Variants in DLG2 observed in about 807,000 individuals in gnomAD.
DLG2 encodes the protein disks large homolog 2.
A neutral mutation model predicts 132.5 loss-of-function variants in DLG2; 45 were observed. That is an observed-to-expected ratio of 0.34 (90% confidence interval 0.27 to 0.44). DLG2 has a LOEUF of 0.44. DLG2 is among the 20% of genes least tolerant of loss of function. The pLI is 1.00. For missense variants in DLG2, 1,045 were observed against 1,196.9 expected (o/e 0.87, Z 1.87); for synonymous variants, 424 against 419.6 (o/e 1.01, Z -0.13).
chr11:84,553,370 G>T (rs924669958), intron 6 of DLG2, among the ~76,000 whole-genome samples: 1 of 152,158 alleles, frequency 6.6e-6, no homozygotes, highest in African/African-American at 2.4e-5. Flanking sequence ...TGATAAGACT[G>T]ATAAATGTTA....
At chr11:84,655,078 A>AT (rs764041605) in intron 6 of DLG2, among the ~76,000 whole-genome samples, 5 of 152,026 alleles carry the variant, frequency 3.3e-5, no homozygotes, top group African/African-American at 7.2e-5. Flanking sequence ...GTAGATAAAC[A>AT]TTTTTTCCCT....
At chr11:83,808,682 T>C (rs923196822) in intron 17 of DLG2, among the ~76,000 whole-genome samples, 1 of 152,208 alleles carries the variant, frequency 6.6e-6, no homozygotes, top group Non-Finnish European at 1.5e-5. Context: ...AAGTTTGCAT[T>C]GCATGCAGTT....
intron 6 of DLG2, among the ~76,000 whole-genome samples, chr11:84,673,009 A>G (rs2099707593): frequency 6.6e-6 from 1 of 151,994 alleles, no homozygotes; most frequent in Admixed American, 6.6e-5. Flanking sequence ...ACTTTCAAAT[A>G]ACCAGACTTA....
At chr11:83,565,429 T>C (rs2096689481) in intron 19 of DLG2, among the ~76,000 whole-genome samples, 3 of 152,228 alleles carry the variant, frequency 2.0e-5, no homozygotes, top group Non-Finnish European at 2.9e-5. Context: ...AGTATCTTTA[T>C]TAAGCCCTTG....
At chr11:85,181,198 A>G (rs1265494800) in intron 4 of DLG2, among the ~76,000 whole-genome samples, 2 of 151,354 alleles carry the variant, frequency 1.3e-5, no homozygotes, top group Non-Finnish European at 3.0e-5. Flanking sequence ...TTCTCTCCAT[A>G]TATATGTATA....
At chr11:84,567,169 T>C (rs1000263552) in intron 6 of DLG2, among the ~76,000 whole-genome samples, 1 of 151,924 alleles carries the variant, frequency 6.6e-6, no homozygotes, top group Non-Finnish European at 1.5e-5. Context: ...ACAAGCGTTA[T>C]TGAAAGAATA....
intron 16 of DLG2, among the ~76,000 whole-genome samples, chr11:83,853,181 G>A (rs758848749): frequency 4.5e-4 from 69 of 151,972 alleles, no homozygotes; most frequent in Admixed American, 2.6e-4. Flanking sequence ...TTTTCTTTAA[G>A]TGGACTCTTT....
At chr11:84,366,634 A>G (rs1259813655) in intron 7 of DLG2, among the ~76,000 whole-genome samples, 1 of 152,142 alleles carries the variant, frequency 6.6e-6, no homozygotes, top group Non-Finnish European at 1.5e-5. Context: ...AAGCAAATGG[A>G]AAACAAAAAA....
chr11:85,053,217 C>A (rs946225078), intron 6 of DLG2, among the ~76,000 whole-genome samples: 1 of 152,058 alleles, frequency 6.6e-6, no homozygotes, highest in African/African-American at 2.4e-5. Context: ...TCCAGCCCTG[C>A]CATTCCATGA....
In DLG2 at chr11:84,284,597, C is replaced by T. The variant is rs144347444; in HGVS notation, c.520-33306G>A. Among the ~76,000 whole-genome samples, 421 of 152,298 alleles carry T rather than the reference C, an allele frequency of 2.8e-3. 1 individual carries two copies. Among genetic ancestry groups the T allele is most frequent in the African/African-American group, 9.5e-3 (395 of 41,560 alleles). On this transcript the variant is annotated intron_variant, in intron 7 of 27. Coordinates refer to ENST00000376104, the MANE Select transcript of DLG2 (RefSeq NM_001142699.3). ...CAGGTCTTGTTTGCACATAGTTCTG[C>T]AGAATGCTAGATCACAGCATGTTAA... is the stretch of plus-strand genomic sequence containing the variant.
In DLG2 at chr11:84,541,720, A is replaced by T. The variant is rs1397763429; in HGVS notation, c.358-6989T>A. On this transcript the variant is annotated intron_variant, in intron 6 of 27. Coordinates refer to ENST00000376104, the MANE Select transcript of DLG2 (RefSeq NM_001142699.3). ...AGTTTAACTGAATTAAACTGTAATT[A>T]TCTGAGCAATAACATGATCCGCATA... is the stretch of plus-strand genomic sequence containing the variant. 2.0e-5 allele frequency among the ~76,000 whole-genome samples: 3 copies of T among 152,192 alleles called. 1 individual carries two copies. The South Asian group carries it at 6.2e-4, about 32-fold the overall frequency.
At chr11:85,119,301 A>C (rs1026793085) in intron 5 of DLG2, among the ~76,000 whole-genome samples, 2 of 152,048 alleles carry the variant, frequency 1.3e-5, no homozygotes, top group African/African-American at 4.8e-5. Flanking sequence ...TATTTCTAAA[A>C]AATATAATAT....
rs542784927 is a variant in DLG2, at chr11:83,865,795, A to G, written c.1565+8625T>C. Among the ~76,000 whole-genome samples the G allele has an allele frequency of 7.9e-5, 12 of 152,322 alleles. No homozygotes were observed. In the South Asian group the frequency reaches 2.5e-3, roughly 32 times the overall value. On this transcript the variant is annotated intron_variant, in intron 16 of 27. Transcript: ENST00000376104. The stretch of plus-strand genomic sequence containing the variant: ...TGATAAGCAAGTGGAAGACCCCATC[A>G]GGCAGCCTCTTAGGAGGAGACAGTG...
At chr11:85,129,644 G>A (rs118062644) in intron 5 of DLG2, among the ~76,000 whole-genome samples, 3,257 of 152,294 alleles carry the variant, frequency 0.021, 51 homozygotes, top group Middle Eastern at 0.058. Context: ...GGAAGACAGT[G>A]TGGCAATTGT....
At chr11:85,366,358 C>T (rs533133019) in intron 3 of DLG2, among the ~76,000 whole-genome samples, 37 of 151,760 alleles carry the variant, frequency 2.4e-4, no homozygotes, top group African/African-American at 8.2e-4. Flanking sequence ...CTTCTTTGCA[C>T]AATATATATA....
At chr11:84,648,003 G>A (rs543937760) in intron 6 of DLG2, among the ~76,000 whole-genome samples, 1 of 152,136 alleles carries the variant, frequency 6.6e-6, no homozygotes, top group Non-Finnish European at 1.5e-5. Context: ...GGAATTATTA[G>A]CCCCTTTTAC....
chr11:84,053,893 A>G (rs1388645752), intron 11 of DLG2, among the ~76,000 whole-genome samples: 1 of 152,044 alleles, frequency 6.6e-6, no homozygotes, highest in Non-Finnish European at 1.5e-5. Context: ...TTCTCAGTTT[A>G]CACTGATACA....
At chr11:85,423,998 T>C (rs1436326537) in intron 3 of DLG2, among the ~76,000 whole-genome samples, 1 of 152,178 alleles carries the variant, frequency 6.6e-6, no homozygotes. Context: ...ATTTCCCCCA[T>C]GGCCATTTCC....
intron 6 of DLG2, among the ~76,000 whole-genome samples, chr11:84,807,282 C>A (rs2076101172): frequency 6.6e-6 from 1 of 151,954 alleles, no homozygotes; most frequent in Non-Finnish European, 1.5e-5. Flanking sequence ...CTCGTCTCTA[C>A]CAAAAATACA....
Sources: gnomAD v4.1 joint callset for allele counts (sites outside exome capture counted in the v4.1 genomes callset) on GRCh38, gnomAD v4.1.1 for gene constraint, MANE v1.5 for transcripts, NCBI Gene and HGNC (gene_info 2026-07-23, HGNC 2026-07-21) for gene names.